Variants in CCDC180 observed in about 807,000 individuals in gnomAD.
CCDC180 encodes the protein coiled-coil domain containing 180.
CCDC180 carries 154 observed loss-of-function variants against 209.2 expected under a neutral mutation model. The observed-to-expected ratio is 0.74, with a 90% confidence interval of 0.65 to 0.84. The LOEUF (loss-of-function observed/expected upper bound fraction) is 0.84. Ranked by LOEUF, CCDC180 falls within the 40% of genes least tolerant of loss-of-function variation. CCDC180 has a pLI of 0.00. For synonymous variants in CCDC180, 778 were observed against 749.1 expected (o/e 1.04, Z -0.63); for missense variants, 1,874 against 1,997.3 (o/e 0.94, Z 1.18).
chr9:97,345,535 C>A, intron 19 of CCDC180: 1 of 403,950 alleles, frequency 2.5e-6, no homozygotes. Context: ...AAATCTTTTG[C>A]CTATTATTTT....
intron 19 of CCDC180, among the ~76,000 whole-genome samples, chr9:97,344,588 G>A (rs984186070): frequency 6.6e-6 from 1 of 152,172 alleles, no homozygotes; most frequent in East Asian, 1.9e-4. Flanking sequence ...GGCTCAGAGA[G>A]TTAGTCATTT....
rs141047389 is a variant in CCDC180 at position 97,370,065 on chromosome 9, C to T, written c.4333C>T (p.Arg1445Trp). 1.2e-4 allele frequency: 201 copies of T among 1,613,820 alleles called. 2 individuals are homozygous for T. Among genetic ancestry groups the T allele is most frequent in the Admixed American group, 1.8e-4 (11 of 59,998 alleles). The change falls in exon 32 of 37, where the codon CGG becomes TGG. Residue 1445 changes from arginine (R) to tryptophan (W), a missense_variant. Transcript: ENST00000529487. ...IRGQFEEQQK[R>W]LEKRKDKNAQ... ...AGGACAGTTCGAGGAACAGCAGAAGCGGCTGGAGAAAAGAAAGGTGAGGGC... is the reference window on the plus strand; with the variant it reads ...AGGACAGTTCGAGGAACAGCAGAAGTGGCTGGAGAAAAGAAAGGTGAGGGC...
intron 27 of CCDC180, 38 bp from the exon 28 acceptor site, chr9:97,362,158 C>T (rs528796794): frequency 6.3e-7 from 1 of 1,586,980 alleles, no homozygotes; most frequent in Non-Finnish European, 8.6e-7. Context: ...CCCCCATGGT[C>T]ACCGGAGAAG....
At chr9:97,359,632 G>A (rs1191392685) in intron 25 of CCDC180, among the ~76,000 whole-genome samples, 3 of 152,142 alleles carry the variant, frequency 2.0e-5, no homozygotes, top group Admixed American at 6.5e-5. Context: ...GAATGTGAGA[G>A]CCAGAGGAGA....
chr9:97,328,882 G>T (rs1825644267), intron 16 of CCDC180, among the ~76,000 whole-genome samples: 1 of 152,144 alleles, frequency 6.6e-6, no homozygotes, highest in African/African-American at 2.4e-5. Flanking sequence ...ATTCAATTTT[G>T]ATTGTCATTA....
intron 29 of CCDC180, chr9:97,365,372 G>A: frequency 3.3e-6 from 1 of 303,174 alleles, no homozygotes; most frequent in Non-Finnish European, 6.3e-6. Context: ...AAATCCACCT[G>A]ATTAGCATGT....
At chr9:97,320,816 T>G (rs546328040) in intron 11 of CCDC180, among the ~76,000 whole-genome samples, 2 of 152,324 alleles carry the variant, frequency 1.3e-5, no homozygotes, top group East Asian at 3.9e-4. Context: ...ACTGCCTCGT[T>G]TGTTGATGTA....
In CCDC180 at chr9:97,374,557, A is replaced by G. The variant is rs1428156039; in HGVS notation, c.4615A>G (p.Lys1539Glu). 2 of 1,613,876 alleles carry G rather than the reference A, an allele frequency of 1.2e-6. No homozygotes were observed. The highest frequency in any genetic ancestry group is 1.7e-5 in the Admixed American group (1 of 60,024). ...TTTGCCTCTAGGGATGGAGCCCCCC[A>G]AACAGAAATTATCAATGCTCATACG... ...DVQVARMEPP[K>E]QKLSMLIRRK... is the part of the protein sequence containing the mutation. The change falls in exon 35 of 37, where the codon AAA becomes GAA. Residue 1539 changes from lysine (K) to glutamate (E), a missense_variant. By Grantham distance (56) the Lys-to-Glu change is moderately conservative. Coordinates refer to ENST00000529487, the MANE Select transcript of CCDC180 (RefSeq NM_020893.6).
rs747534952 is a variant in CCDC180 at position 97,343,537 on chromosome 9, G to T, written c.2472G>T (p.Ser824=). ...TCATAGAACAAGTGACAATTCCATCGAGACTAATTTTAGAAATTAAGAAAC... is the reference window on the plus strand; with the variant it reads ...TCATAGAACAAGTGACAATTCCATCTAGACTAATTTTAGAAATTAAGAAAC... ...AKFIEQVTIP[S]RLILEIKKQL... Residue 824 remains serine (S), a synonymous_variant, in exon 19 of 37, where the codon TCG becomes TCT. Coordinates refer to ENST00000529487, the MANE Select transcript of CCDC180 (RefSeq NM_020893.6). The T allele has an allele frequency of 1.9e-6, 3 of 1,612,728 alleles. No individual in the cohort carries two copies. The highest frequency in any genetic ancestry group is 2.5e-6 in the Non-Finnish European group (3 of 1,179,296).
At chr9:97,316,965 C>A in intron 8 of CCDC180, 100 bp from the exon 9 acceptor site, 1 of 1,218,342 alleles carries the variant, frequency 8.2e-7, no homozygotes, top group Non-Finnish European at 1.1e-6. Flanking sequence ...CACCCTGCAC[C>A]TCCCCTCTCC....
At position 97,323,920 on chromosome 9, in the gene CCDC180, G is replaced by C. The variant is rs368409091; in HGVS notation, c.1371+17G>C. 7.1e-6 allele frequency: 11 copies of C among 1,551,150 alleles called. No individual in the cohort carries two copies. The highest frequency in any genetic ancestry group is 9.6e-6 in the Non-Finnish European group (11 of 1,147,116). ...CTCTTGGACGTGCGTGCTGGGGACTGTTCCACTGGGGAGCTGAGGTGGGGT... is the reference window on the plus strand; with the variant it reads ...CTCTTGGACGTGCGTGCTGGGGACTCTTCCACTGGGGAGCTGAGGTGGGGT... On this transcript the variant is annotated intron_variant, in intron 13 of 36. Transcript: ENST00000529487.
At position 97,377,094 on chromosome 9, in the gene CCDC180, G is replaced by A. The variant is rs369563970; in HGVS notation, c.*200G>A. On this transcript the variant is annotated 3_prime_UTR_variant, in exon 37 of 37. Coordinates refer to ENST00000529487, the MANE Select transcript of CCDC180 (RefSeq NM_020893.6). Reference sequence around the variant, plus strand: ...AGCCCTCTTCCCATGAGGAAGGCAAGCATGAAAGGGGAATTCCACGTGGTT... The same window carrying A: ...AGCCCTCTTCCCATGAGGAAGGCAAACATGAAAGGGGAATTCCACGTGGTT... 25 of 447,400 alleles carry A rather than the reference G, an allele frequency of 5.6e-5. No individual in the cohort carries two copies. The highest frequency in any genetic ancestry group is 3.8e-4 in the African/African-American group (19 of 50,394). The allele number at this position is 447,400 out of a possible 1,614,324, so 27.7% of individuals were successfully genotyped here.
Position 97,346,779 on chromosome 9 carries a change from G to A in CCDC180, c.2499-535G>A, listed in dbSNP as rs569736224. The stretch of plus-strand genomic sequence containing the variant: ...TTTATAGAGATGGGGGTCTCACCAT[G>A]TTGCCCAGGCTGGTCTCGAACTCCT... On this transcript the variant is annotated intron_variant, in intron 19 of 36. Coordinates refer to ENST00000529487, the MANE Select transcript of CCDC180 (RefSeq NM_020893.6). 6.6e-5 allele frequency among the ~76,000 whole-genome samples: 10 copies of A among 152,290 alleles called. No homozygotes were observed. In the South Asian group the frequency reaches 1.7e-3, roughly 25 times the overall value.
At chr9:97,332,880 A>G (rs1825792403) in intron 18 of CCDC180, among the ~76,000 whole-genome samples, 1 of 151,924 alleles carries the variant, frequency 6.6e-6, no homozygotes, top group Non-Finnish European at 1.5e-5. Flanking sequence ...CTGCCTGATT[A>G]CTCTGCCCAG....
intron 16 of CCDC180, among the ~76,000 whole-genome samples, chr9:97,329,796 C>A (rs1193995694): frequency 6.6e-6 from 1 of 152,090 alleles, no homozygotes; most frequent in Admixed American, 6.5e-5. Flanking sequence ...GGGCTGGGTG[C>A]GGTGGCTCAC....
At chr9:97,321,341 G>GA (rs1833352236) in intron 11 of CCDC180, among the ~76,000 whole-genome samples, 1 of 152,198 alleles carries the variant, frequency 6.6e-6, no homozygotes, top group African/African-American at 2.4e-5. Context: ...TATGTAAAAA[G>GA]TTTTTCATCT....
chr9:97,351,885 G>T (rs1826430819), intron 22 of CCDC180, among the ~76,000 whole-genome samples: 1 of 152,136 alleles, frequency 6.6e-6, no homozygotes, highest in African/African-American at 2.4e-5. Flanking sequence ...TTCTGAGGCG[G>T]GCGGATCACC....
At chr9:97,345,714 G>T in intron 19 of CCDC180, 1 of 302,380 alleles carries the variant, frequency 3.3e-6, no homozygotes, top group South Asian at 2.8e-5. Context: ...GAGTGCTGCT[G>T]CACTCCTGAC....
At chr9:97,376,441 G>C in intron 36 of CCDC180, 1 of 184,170 alleles carries the variant, frequency 5.4e-6, no homozygotes, top group Non-Finnish European at 1.1e-5. Context: ...GGAGCCCTGA[G>C]CTCCCGAGAG....
Sources: allele counts gnomAD v4.1 joint callset (sites outside exome capture counted in the v4.1 genomes callset), GRCh38; gene constraint gnomAD v4.1.1; transcripts MANE v1.5; gene names NCBI Gene and HGNC (gene_info 2026-07-23, HGNC 2026-07-21).